The following CFAP46 variants were observed in gnomAD, a reference collection of about 807,000 sequenced individuals.
CFAP46 encodes cilia and flagella associated protein 46, also known as cilia- and flagella-associated protein 46.
A neutral mutation model predicts 325.7 loss-of-function variants in CFAP46; 245 were observed. That is an observed-to-expected ratio of 0.75 (90% CI 0.68 to 0.84). The LOEUF is 0.84. Ranked by LOEUF, CFAP46 falls within the 40% of genes least tolerant of loss-of-function variation. CFAP46 has a pLI of 0.00. For missense variants in CFAP46, 3,346 were observed against 3,543.0 expected, an observed-to-expected ratio of 0.94 and a Z score of 1.41; for synonymous variants, 1,523 against 1,495.9, an observed-to-expected ratio of 1.02 and a Z score of -0.42.
chr10:132,941,211 G>A (rs999830011), intron 3 of CFAP46, 151 bp from the exon 4 acceptor site: 1 of 802,218 alleles, frequency 1.2e-6, no homozygotes, highest in South Asian at 1.6e-5. Flanking sequence ...GACACAGCCT[G>A]AGTGTCGTGG....
Position 132,860,971 on chromosome 10 carries a change from C to A in CFAP46, c.4902G>T (p.Glu1634Asp). The A allele has an allele frequency of 6.4e-7, 1 of 1,550,636 alleles. No individual in the cohort carries two copies. Among genetic ancestry groups the A allele is most frequent in the Non-Finnish European group, 8.7e-7 (1 of 1,147,034 alleles). The change falls in exon 36 of 58, where the codon GAG (glutamate) becomes GAT (aspartate). Residue 1634 changes from glutamate (E) to aspartate (D), a missense_variant. By Grantham distance (45) the Glu-to-Asp change is conservative. Coordinates refer to ENST00000368586, the MANE Select transcript of CFAP46 (RefSeq NM_001200049.3). ...EAYLAFQELD[E>D]PCAEAQCLLL... ...GCAGGCACTGGGCCTCTGCACAAGG[C>A]TCATCCAGCTCCTGAAGGAGAGAAA...
chr10:132,831,395 G>C (rs1848144648), intron 50 of CFAP46, among the ~76,000 whole-genome samples: 3 of 152,122 alleles, frequency 2.0e-5, no homozygotes, highest in Non-Finnish European at 4.4e-5. Context: ...GGCTCCATGG[G>C]TTTTGTCTCG....
Position 132,869,259 on chromosome 10 carries a change from TG to T in CFAP46, c.4610+14del. On this transcript the variant is annotated intron_variant, in intron 33 of 57. Coordinates refer to ENST00000368586, the MANE Select transcript of CFAP46 (RefSeq NM_001200049.3). The surrounding 1 kb of genome is among the most constrained non-coding windows in gnomAD (Gnocchi z 6.2). The stretch of plus-strand genomic sequence containing the variant: ...GACTCAAACCCCAGGCGGCGCAGGG[TG>T]GGACGGCACACACCTGGCCTGCTCC... 6.6e-7 allele frequency: 1 copy of T among 1,514,880 alleles called. No individual in the cohort carries two copies. The highest frequency in any genetic ancestry group is 8.9e-7 in the Non-Finnish European group (1 of 1,128,062). 93.8% of individuals were successfully genotyped at this position (1,514,880 alleles called of 1,614,324 possible). A position where few individuals can be genotyped will look rare whatever the true frequency, so the allele number is the denominator to read the frequency against.
chr10:132,831,232 G>GTA (rs1198227007), intron 50 of CFAP46, among the ~76,000 whole-genome samples: 2 of 151,682 alleles, frequency 1.3e-5, no homozygotes, highest in Non-Finnish European at 2.9e-5. Context: ...GTGTGTGTGT[G>GTA]TGTGTGTGTG....
rs200355657 is a variant in CFAP46, at chr10:132,941,621, C to T, written c.276G>A (p.Gln92=). 76 of 1,614,018 alleles carry T rather than the reference C, an allele frequency of 4.7e-5. No homozygotes were observed. The highest frequency in any genetic ancestry group is 6.4e-5 in the Non-Finnish European group (76 of 1,180,016). The change falls in exon 3 of 58, where the codon CAG becomes CAA. Residue 92 remains glutamine (Q), a synonymous_variant. Transcript: ENST00000368586. ...TTTCTGCCGACTTCGGGGCACACATCTGGGCCCTGCACAGGTGCGCTCGGC... is the reference window on the plus strand; with the variant it reads ...TTTCTGCCGACTTCGGGGCACACATTTGGGCCCTGCACAGGTGCGCTCGGC... ...FLGRAHLCRA[Q]MCAPKSAENL... is the part of the protein sequence containing the mutation.
intron 41 of CFAP46, among the ~76,000 whole-genome samples, chr10:132,849,566 T>C (rs1470984504): frequency 6.6e-6 from 1 of 152,136 alleles, no homozygotes; most frequent in East Asian, 1.9e-4. Flanking sequence ...TTGCGTGGCT[T>C]GTAGGGGCCA....
chr10:132,862,952 C>A (rs1461452473), intron 35 of CFAP46, among the ~76,000 whole-genome samples: 1 of 152,060 alleles, frequency 6.6e-6, no homozygotes, highest in African/African-American at 2.4e-5. Flanking sequence ...AGGTAGGAGG[C>A]CTTCAGGCAA....
intron 8 of CFAP46, among the ~76,000 whole-genome samples, chr10:132,933,444 C>T (rs935683394): frequency 2.0e-5 from 3 of 152,262 alleles, no homozygotes; most frequent in Non-Finnish European, 4.4e-5. Context: ...GGATGCTCGG[C>T]CAGGGCCACG....
At chr10:132,882,176 G>T (rs1258997180) in intron 27 of CFAP46, among the ~76,000 whole-genome samples, 53 of 142,608 alleles carry the variant, frequency 3.7e-4, no homozygotes, top group African/African-American at 1.3e-3. Flanking sequence ...GTGTGTGTGG[G>T]ATGTGGGGTG....
intron 10 of CFAP46, among the ~76,000 whole-genome samples, chr10:132,926,232 GGC>G (rs1270001668): frequency 1.3e-5 from 2 of 152,176 alleles, no homozygotes; most frequent in African/African-American, 4.8e-5. Context: ...TGGGACGCGT[GGC>G]CGTCCCCCGT....
chr10:132,932,060 C>T (rs1849916901), intron 8 of CFAP46, among the ~76,000 whole-genome samples: 1 of 146,520 alleles, frequency 6.8e-6, no homozygotes, highest in African/African-American at 2.5e-5. Flanking sequence ...GGCCTTCCTG[C>T]TCCCCACACA....
chr10:132,879,581 C>T lies in CFAP46; in HGVS notation c.3850G>A (p.Glu1284Lys), dbSNP rs1040468711. The change falls in exon 29 of 58, where the codon GAG (glutamate) becomes AAG (lysine). Residue 1284 changes from glutamate to lysine, a missense_variant. Glu to Lys is a moderately conservative substitution (Grantham distance 56). Transcript: ENST00000368586. ...AGCTGCTCCAAGGACACCGCCTCCTCGGCCTCGGACACGGGGCTCCGTGGG... is the reference window on the plus strand; with the variant it reads ...AGCTGCTCCAAGGACACCGCCTCCTTGGCCTCGGACACGGGGCTCCGTGGG... ...MPPRSPVSEA[E>K]EAVSLEQLRS... is the part of the protein sequence containing the mutation. 9.7e-6 allele frequency: 15 copies of T among 1,546,342 alleles called. No homozygotes were observed. Among genetic ancestry groups the T allele is most frequent in the Admixed American group, 7.9e-5 (4 of 50,810 alleles).
intron 54 of CFAP46, among the ~76,000 whole-genome samples, chr10:132,813,171 A>G (rs1227341199): frequency 6.6e-6 from 1 of 151,986 alleles, no homozygotes; most frequent in Non-Finnish European, 1.5e-5. Context: ...GCTGCGGGAA[A>G]CGCTAGGAGG....
In CFAP46 at chr10:132,895,243, C is replaced by T. The variant is rs113807802; in HGVS notation, c.3220-2826G>A. Among the ~76,000 whole-genome samples, 138 of 152,306 alleles carry T rather than the reference C, an allele frequency of 9.1e-4. 2 individuals are homozygous for T. The highest frequency in any genetic ancestry group is 3.0e-3 in the African/African-American group (125 of 41,560). ...ACCGGCTCAATTGACAGAGAAAAGG[C>T]ATTTGGCAAGACCCACACTATTTCA... is the stretch of plus-strand genomic sequence containing the variant. On this transcript the variant is annotated intron_variant, in intron 24 of 57. Transcript: ENST00000368586.
chr10:132,941,594 GT>G lies in CFAP46; in HGVS notation c.302del (p.Asn101ThrfsTer9). ...AGGGGCACAGGACGCCTCTCACCAGGTTTTCTGCCGACTTCGGGGCACACAT... is the reference window on the plus strand; with the variant it reads ...AGGGGCACAGGACGCCTCTCACCAGGTTTCTGCCGACTTCGGGGCACACAT... Reference protein sequence around the residue: ...AQMCAPKSAENLEEFENCVTE... With the variant: ...AQMCAPKSAEXLEEFENCVTE... On this transcript the variant is annotated frameshift_variant, in exon 3 of 58. Coordinates refer to ENST00000368586, the MANE Select transcript of CFAP46 (RefSeq NM_001200049.3). LOFTEE classifies it high-confidence loss of function. 6.2e-7 allele frequency: 1 copy of G among 1,612,720 alleles called. No homozygotes were observed. Among genetic ancestry groups the G allele is most frequent in the Non-Finnish European group, 8.5e-7 (1 of 1,179,210 alleles).
rs1461682630 is a variant in CFAP46 at position 132,916,672 on chromosome 10, T to C, written c.1997A>G (p.His666Arg). The C allele has an allele frequency of 2.0e-6, 3 of 1,478,742 alleles. No homozygotes were observed. Among genetic ancestry groups the C allele is most frequent in the Admixed American group, 2.4e-5 (1 of 42,360 alleles). The allele number at this position is 1,478,742 out of a possible 1,614,324, so 91.6% of individuals were successfully genotyped here. ...VGFIHAEATV[H>R]LLRSEGVELN... ...CTCTACACCTTCTGACCGCAGCAAA[T>C]GAACCGTGGCCTGCAAAACACACAT... Residue 666 changes from histidine (H) to arginine (R), a missense_variant, in exon 17 of 58, where the codon CAT (histidine) becomes CGT (arginine). Physicochemically the swap from His to Arg is conservative, Grantham distance 29. Transcript: ENST00000368586.
At position 132,885,815 on chromosome 10, in the gene CFAP46, A is replaced by T; in HGVS notation, c.3443+6T>A. The T allele has an allele frequency of 6.5e-7, 1 of 1,546,092 alleles. No homozygotes were observed. The highest frequency in any genetic ancestry group is 8.7e-7 in the Non-Finnish European group (1 of 1,145,362). On this transcript the variant is annotated splice_donor_region_variant and intron_variant, in intron 26 of 57. Transcript: ENST00000368586. ...AGCACTCACAGGCGGTGGGGGGAGCACTCACAGGCGGTGGGCCGTCCTTGG... is the reference window on the plus strand; with the variant it reads ...AGCACTCACAGGCGGTGGGGGGAGCTCTCACAGGCGGTGGGCCGTCCTTGG...
At position 132,889,737 on chromosome 10, in the gene CFAP46, G is replaced by A. The variant is rs1034311641; in HGVS notation, c.3304+2596C>T. Among the ~76,000 whole-genome samples, 14 of 152,166 alleles carry A rather than the reference G, an allele frequency of 9.2e-5. No homozygotes were observed. The highest frequency in any genetic ancestry group is 2.1e-4 in the Non-Finnish European group (14 of 68,036). On this transcript the variant is annotated intron_variant, in intron 25 of 57. Transcript: ENST00000368586. The surrounding 1 kb of genome is among the most constrained non-coding windows in gnomAD (Gnocchi z 6.0). ...GTGGACCGTCTCCTCCTCCCCGGAG[G>A]CCGTCAGCTCCATGGTGCCTCCGGG...
At chr10:132,930,484 A>G (rs1489305595) in intron 8 of CFAP46, among the ~76,000 whole-genome samples, 1 of 86,274 alleles carries the variant, frequency 1.2e-5, no homozygotes, top group African/African-American at 4.7e-5. Context: ...CCTTCCCCAT[A>G]CTCCCCACAC....
Sources: gnomAD v4.1 joint callset for allele counts (sites outside exome capture counted in the v4.1 genomes callset) on GRCh38, gnomAD v4.1.1 for gene constraint, Gnocchi (gnomAD v3.1) non-coding constraint, MANE v1.5 for transcripts, NCBI Gene and HGNC (gene_info 2026-07-23, HGNC 2026-07-21) for gene names.